Variants in IL1RAPL2 observed in about 807,000 individuals in gnomAD.
The protein encoded by IL1RAPL2 is X-linked interleukin-1 receptor accessory protein-like 2.
IL1RAPL2 carries 3 observed loss-of-function variants against 44.1 expected under a neutral mutation model. The ratio of observed to expected loss-of-function variants is 0.07; its 90% confidence interval spans 0.03 to 0.18. IL1RAPL2 has a LOEUF of 0.18. Among genes scored for constraint, IL1RAPL2 ranks in the 10% least tolerant of loss-of-function variants. The probability of loss-of-function intolerance (pLI) is 1.00; values close to 1 mark genes in which losing one functional copy is unlikely to be tolerated. For synonymous variants in IL1RAPL2, 181 were observed against 178.8 expected (o/e 1.01, Z -0.10); for missense variants, 391 against 496.4 (o/e 0.79, Z 2.02).
intron 5 of IL1RAPL2, among the ~76,000 whole-genome samples, chrX:105,280,476 A>C (rs1047200776): frequency 4.5e-5 from 5 of 112,107 alleles, no homozygotes; most frequent in African/African-American, 1.3e-4. Flanking sequence ...AGAAGCTATC[A>C]TCAGAGTGAA....
At chrX:104,785,597 T>G (rs1932794272) in intron 2 of IL1RAPL2, among the ~76,000 whole-genome samples, 1 of 111,344 alleles carries the variant, frequency 9.0e-6, no homozygotes, top group Non-Finnish European at 1.9e-5. Flanking sequence ...TGCCTTCAGT[T>G]TTGCAGTCCT....
chrX:104,902,429 C>T (rs1431873423), intron 2 of IL1RAPL2, among the ~76,000 whole-genome samples: 2 of 111,881 alleles, frequency 1.8e-5, no homozygotes, highest in South Asian at 3.7e-4. Flanking sequence ...ATTGAACGAG[C>T]CCTCATCAAG....
chrX:104,951,288 C>T (rs1408176868), intron 2 of IL1RAPL2, among the ~76,000 whole-genome samples: 1 of 112,166 alleles, frequency 8.9e-6, no homozygotes, highest in African/African-American at 3.2e-5. Flanking sequence ...CAGGAGATCT[C>T]TATTTGTGAA....
rs761737384 is a variant in IL1RAPL2, at chrX:105,074,869, T to C, written c.83-120606T>C. Among the ~76,000 whole-genome samples the C allele has an allele frequency of 4.5e-5, 5 of 110,694 alleles. No individual in the cohort carries two copies. In the East Asian group the frequency reaches 1.4e-3, roughly 32 times the overall value. ...TCTGTTATTGGTGTATAAGAATGCTTGTGATTTTTGCACATTGATTTTGTA... is the reference window on the plus strand; with the variant it reads ...TCTGTTATTGGTGTATAAGAATGCTCGTGATTTTTGCACATTGATTTTGTA... On this transcript the variant is annotated intron_variant, in intron 2 of 10. Coordinates refer to ENST00000372582, the MANE Select transcript of IL1RAPL2 (RefSeq NM_017416.2).
chrX:105,504,603 T>C (rs1266030935), intron 6 of IL1RAPL2, among the ~76,000 whole-genome samples: 1 of 111,694 alleles, frequency 9.0e-6, no homozygotes, highest in African/African-American at 3.2e-5. Flanking sequence ...TAAGGGTATA[T>C]GTACAAATCT....
chrX:104,690,995 T>C (rs6652902), intron 2 of IL1RAPL2, among the ~76,000 whole-genome samples: 42,226 of 110,644 alleles, frequency 0.38, 6,105 homozygotes, highest in East Asian at 0.47. Context: ...AATTGGTTAA[T>C]GTCCAGGGGT....
chrX:104,603,674 C>G (rs1420959429), intron 1 of IL1RAPL2, among the ~76,000 whole-genome samples: 1 of 111,366 alleles, frequency 9.0e-6, no homozygotes, highest in Non-Finnish European at 1.9e-5. Context: ...GCTTCAATAG[C>G]TGATTCGATC....
intron 6 of IL1RAPL2, among the ~76,000 whole-genome samples, chrX:105,580,602 G>T (rs1170096048): frequency 9.0e-6 from 1 of 111,080 alleles, no homozygotes; most frequent in Admixed American, 9.6e-5. Flanking sequence ...TTTCACATTA[G>T]TACCTAATGG....
At chrX:105,548,020 T>C (rs997557136) in intron 6 of IL1RAPL2, among the ~76,000 whole-genome samples, 6 of 111,910 alleles carry the variant, frequency 5.4e-5, no homozygotes, top group Non-Finnish European at 1.1e-4. Flanking sequence ...TAGCCTATTT[T>C]ATCAGAGTTC....
At chrX:105,080,566 C>G (rs1160928463) in intron 2 of IL1RAPL2, among the ~76,000 whole-genome samples, 1 of 97,138 alleles carries the variant, frequency 1.0e-5, no homozygotes, top group Non-Finnish European at 1.9e-5. Context: ...CTGTTCTGTT[C>G]ATTGGTCTAT....
At chrX:104,693,312 C>A (rs1931125156) in intron 2 of IL1RAPL2, among the ~76,000 whole-genome samples, 1 of 111,302 alleles carries the variant, frequency 9.0e-6, no homozygotes, top group South Asian at 3.8e-4. Context: ...CTATCTTTAC[C>A]TTTCTTCATT....
At position 104,769,846 on chromosome X, in the gene IL1RAPL2, C is replaced by A. The variant is rs1332142005; in HGVS notation, c.82+110851C>A. Among the ~76,000 whole-genome samples the A allele has an allele frequency of 2.7e-5, 3 of 111,884 alleles. No individual in the cohort carries two copies. The East Asian group carries it at 8.4e-4, about 31-fold the overall frequency. On this transcript the variant is annotated intron_variant, in intron 2 of 10. Transcript: ENST00000372582. ...CCTTCTTAAAGGGCTGTCACTAAACCTAAGCATCATGGCTTGGTTTCTATT... is the reference window on the plus strand; with the variant it reads ...CCTTCTTAAAGGGCTGTCACTAAACATAAGCATCATGGCTTGGTTTCTATT...
At chrX:105,331,570 C>T (rs912988787) in intron 5 of IL1RAPL2, among the ~76,000 whole-genome samples, 4 of 111,008 alleles carry the variant, frequency 3.6e-5, no homozygotes, top group African/African-American at 9.8e-5. Context: ...TTTATCTAAA[C>T]TCAAAGGAAA....
chrX:105,742,340 A>C (rs1210793001), intron 8 of IL1RAPL2, among the ~76,000 whole-genome samples: 2 of 111,446 alleles, frequency 1.8e-5, no homozygotes, highest in African/African-American at 6.5e-5. Flanking sequence ...ACATTTTTTA[A>C]AATTCCGCAA....
chrX:104,830,075 A>C (rs1921566173), intron 2 of IL1RAPL2, among the ~76,000 whole-genome samples: 1 of 111,767 alleles, frequency 8.9e-6, no homozygotes, highest in Non-Finnish European at 1.9e-5. Context: ...CTGTCTCCTG[A>C]TAACAGAATG....
intron 1 of IL1RAPL2, among the ~76,000 whole-genome samples, chrX:104,583,300 A>G (rs1024394413): frequency 1.8e-5 from 2 of 111,531 alleles, no homozygotes; most frequent in Non-Finnish European, 3.8e-5. Context: ...ATTTTTTAGT[A>G]TATTCACAGA....
chrX:104,819,675 C>A (rs1052508182), intron 2 of IL1RAPL2, among the ~76,000 whole-genome samples: 1 of 111,974 alleles, frequency 8.9e-6, no homozygotes, highest in East Asian at 2.8e-4. Flanking sequence ...CACGTTGTCC[C>A]TATAACATGT....
intron 2 of IL1RAPL2, among the ~76,000 whole-genome samples, chrX:104,711,054 G>A (rs1443551052): frequency 9.0e-6 from 1 of 111,542 alleles, no homozygotes; most frequent in Non-Finnish European, 1.9e-5. Flanking sequence ...GGAGACAACA[G>A]CTCTCTGCGT....
intron 6 of IL1RAPL2, among the ~76,000 whole-genome samples, chrX:105,501,366 G>A (rs908011239): frequency 8.1e-5 from 9 of 111,520 alleles, no homozygotes; most frequent in African/African-American, 2.6e-4. Context: ...GCTCATGCCT[G>A]TAATCCTAGC....
Sources: allele counts gnomAD v4.1 joint callset (sites outside exome capture counted in the v4.1 genomes callset), GRCh38; gene constraint gnomAD v4.1.1; transcripts MANE v1.5; gene names NCBI Gene and HGNC (gene_info 2026-07-23, HGNC 2026-07-21).